AVL9: variants seen among roughly 807,000 people sequenced by gnomAD.
AVL9 encodes the protein late secretory pathway protein AVL9 homolog.
AVL9 carries 49 observed loss-of-function variants against 79.2 expected under a neutral mutation model. That is an observed-to-expected ratio of 0.62 (90% CI 0.49 to 0.79). AVL9 has a LOEUF of 0.79. AVL9 is among the 30% of genes least tolerant of loss of function. The probability of loss-of-function intolerance (pLI) is 0.00; values close to 1 mark genes in which losing one functional copy is unlikely to be tolerated. For synonymous variants in AVL9, 299 were observed against 280.6 expected (o/e 1.07, Z -0.65); for missense variants, 682 against 776.8 (o/e 0.88, Z 1.45).
In AVL9 at chr7:32,573,364, C is replaced by A; in HGVS notation, c.1516C>A (p.Arg506=). ...CTGGGAGGGAGGTGACGAATGGATC[C>A]GGGCCCAGTTTGCGGTCTACATTCA... ...TGWEGGDEWI[R]AQFAVYIHAL... Residue 506 remains arginine, a synonymous_variant, in exon 12 of 16, where the codon CGG becomes AGG. Transcript: ENST00000318709. The A allele has an allele frequency of 6.2e-7, 1 of 1,613,680 alleles. No homozygotes were observed. Among genetic ancestry groups the A allele is most frequent in the South Asian group, 1.1e-5 (1 of 91,056 alleles).
rs987459066 is a variant in AVL9, at chr7:32,585,713, T to G, written c.*1806T>G. 2.0e-5 allele frequency: 3 copies of G among 152,210 alleles called. No individual in the cohort carries two copies. Among genetic ancestry groups the G allele is most frequent in the Non-Finnish European group, 2.9e-5 (2 of 68,022 alleles). 9.4% of individuals were successfully genotyped at this position (152,210 alleles called of 1,614,324 possible). ...TTGTGTTTTCTAAACACAAATTGTA[T>G]TACTCATTTGAGCATAACTCAAGAA... On this transcript the variant is annotated 3_prime_UTR_variant, in exon 16 of 16. Coordinates refer to ENST00000318709, the MANE Select transcript of AVL9 (RefSeq NM_015060.3).
chr7:32,579,214 A>G (rs545872512), intron 13 of AVL9, among the ~76,000 whole-genome samples: 6 of 142,678 alleles, frequency 4.2e-5, no homozygotes, highest in Middle Eastern at 3.6e-3. Flanking sequence ...TGACCCCTCC[A>G]TTTTATGTGG....
chr7:32,540,871 C>CTTTTTTTTTT (rs749306635), intron 1 of AVL9, among the ~76,000 whole-genome samples: 2 of 72,468 alleles, frequency 2.8e-5, no homozygotes, highest in African/African-American at 9.7e-5. Flanking sequence ...TGTTGTACTA[C>CTTTTTTTTTT]TTTTTTTTTT....
At chr7:32,553,613 A>C (rs1046322244) in intron 6 of AVL9, 114 bp from the exon 7 acceptor site, 61 of 699,866 alleles carry the variant, frequency 8.7e-5, no homozygotes, top group Admixed American at 7.8e-4. Context: ...GGATATTTGC[A>C]TATTCCTACT....
chr7:32,571,229 CAA>C (rs35287763), intron 11 of AVL9, among the ~76,000 whole-genome samples: 8 of 65,088 alleles, frequency 1.2e-4, no homozygotes, highest in Admixed American at 2.0e-4. Context: ...GACCCTGTCT[CAA>C]AAAAAAAAAA....
intron 10 of AVL9, among the ~76,000 whole-genome samples, chr7:32,567,082 TAA>T (rs1417532190): frequency 2.4e-4 from 36 of 152,326 alleles, no homozygotes; most frequent in Middle Eastern, 3.4e-3. Flanking sequence ...ATAATTCTCT[TAA>T]GTTTCATTTT....
intron 13 of AVL9, among the ~76,000 whole-genome samples, chr7:32,579,698 T>C (rs1791413637): frequency 7.3e-6 from 1 of 137,522 alleles, no homozygotes; most frequent in Non-Finnish European, 1.5e-5. Flanking sequence ...AAAATAATGA[T>C]AGTGCTGTTT....
Position 32,585,658 on chromosome 7 carries a change from CATA to C in AVL9, c.*1754_*1756del, listed in dbSNP as rs1791743784. On this transcript the variant is annotated 3_prime_UTR_variant, in exon 16 of 16. Transcript: ENST00000318709. Reference sequence around the variant, plus strand: ...AAGGCATTTGAAATGAACATAGAAACATAATCTAAATGTCTCTAAATTTTCCAC... The same window carrying C: ...AAGGCATTTGAAATGAACATAGAAACATCTAAATGTCTCTAAATTTTCCAC... 1 of 152,114 alleles carries C rather than the reference CATA, an allele frequency of 6.6e-6. No individual in the cohort carries two copies. The highest frequency in any genetic ancestry group is 1.5e-5 in the Non-Finnish European group (1 of 68,006). The allele number at this position is 152,114 out of a possible 1,614,324, so 9.4% of individuals were successfully genotyped here.
At chr7:32,522,796 G>A (rs10951340) in intron 1 of AVL9, among the ~76,000 whole-genome samples, 53,132 of 151,858 alleles carry the variant, frequency 0.35, 9,610 homozygotes, top group East Asian at 0.47. Context: ...ATTCACATGT[G>A]TTGTGGGAGA....
intron 10 of AVL9, 93 bp from the exon 11 acceptor site, chr7:32,569,927 G>C (rs969493797): frequency 2.2e-5 from 27 of 1,237,112 alleles, no homozygotes; most frequent in Non-Finnish European, 3.1e-5. Flanking sequence ...AGGAAGAATG[G>C]AAGTTTCTTT....
chr7:32,542,228 T>C (rs1170778464), intron 1 of AVL9, among the ~76,000 whole-genome samples: 1 of 150,604 alleles, frequency 6.6e-6, no homozygotes, highest in African/African-American at 2.4e-5. Context: ...AAATATGGAA[T>C]TGGATCACCT....
At chr7:32,568,517 G>A (rs115393696) in intron 10 of AVL9, among the ~76,000 whole-genome samples, 1,631 of 152,284 alleles carry the variant, frequency 0.011, 23 homozygotes, top group African/African-American at 0.037. Context: ...ATTCTTTGGA[G>A]ATGAATATCA....
intron 5 of AVL9, among the ~76,000 whole-genome samples, chr7:32,551,624 T>TTTTTTTTTA (rs1554341813): frequency 4.7e-5 from 7 of 149,234 alleles, no homozygotes; most frequent in Non-Finnish European, 8.9e-5. Context: ...TTTTTTTTTT[T>TTTTTTTTTA]AGGAAATAAT....
intron 3 of AVL9, among the ~76,000 whole-genome samples, chr7:32,547,626 A>T (rs575618603): frequency 6.6e-6 from 1 of 152,308 alleles, no homozygotes; most frequent in South Asian, 2.1e-4. Flanking sequence ...AGTACATTAG[A>T]GTTGCCCATT....
rs572636422 is a variant in AVL9 at position 32,524,010 on chromosome 7, G to A, written c.94-19131G>A. 2.0e-5 allele frequency among the ~76,000 whole-genome samples: 3 copies of A among 151,956 alleles called. 1 individual carries two copies. The South Asian group carries it at 6.2e-4, about 32-fold the overall frequency. On this transcript the variant is annotated intron_variant, in intron 1 of 15. Transcript: ENST00000318709. ...AGCCTCCCAAAGTGCTGGGATTACA[G>A]GCGTGAGCCCCTGCACCCAGTCGAG...
intron 4 of AVL9, among the ~76,000 whole-genome samples, chr7:32,550,962 G>A (rs1421043470): frequency 6.6e-6 from 1 of 152,140 alleles, no homozygotes; most frequent in African/African-American, 2.4e-5. Flanking sequence ...TTTTTACCAA[G>A]TGCTTTTACC....
intron 10 of AVL9, among the ~76,000 whole-genome samples, chr7:32,562,333 A>C (rs1163977182): frequency 6.6e-6 from 1 of 152,232 alleles, no homozygotes; most frequent in Non-Finnish European, 1.5e-5. Flanking sequence ...GGTAAGTTAT[A>C]ACTAACAAAT....
At chr7:32,558,413 C>T (rs946940283) in intron 8 of AVL9, 146 bp from the exon 9 acceptor site, 4 of 555,290 alleles carry the variant, frequency 7.2e-6, no homozygotes, top group Non-Finnish European at 1.3e-5. Context: ...ACCCCGGCCT[C>T]CCAAAGTGCT....
chr7:32,572,818 G>T lies in AVL9; in HGVS notation c.1351-381G>T, dbSNP rs201995297. On this transcript the variant is annotated intron_variant, in intron 11 of 15. Coordinates refer to ENST00000318709, the MANE Select transcript of AVL9 (RefSeq NM_015060.3). ...CTCCGTCTCAAAAAAAAAAAAAAAA[G>T]AATATTCTAAAGTATCTGCACGCAA... Among the ~76,000 whole-genome samples, 6 of 73,748 alleles carry T rather than the reference G, an allele frequency of 8.1e-5. No homozygotes were observed. In the Admixed American group the frequency reaches 8.3e-4, roughly 10 times the overall value. The allele number at this position is 73,748 out of a possible 152,430, so 48.4% of individuals were successfully genotyped here.
Sources: allele counts gnomAD v4.1 joint callset (sites outside exome capture counted in the v4.1 genomes callset), GRCh38; gene constraint gnomAD v4.1.1; transcripts MANE v1.5; gene names NCBI Gene and HGNC (gene_info 2026-07-23, HGNC 2026-07-21).